The following TRIQK variants were observed in gnomAD, a reference collection of about 807,000 sequenced individuals.
The protein encoded by TRIQK is triple QxxK/R motif-containing protein.
In TRIQK, 10 loss-of-function variants were observed where a neutral mutation model predicts 10.8. The ratio of observed to expected loss-of-function variants is 0.92; its 90% CI spans 0.57 to 1.57. The LOEUF is 1.57. Among genes scored for constraint, TRIQK ranks in the 40% most tolerant of loss-of-function variants. The probability of loss-of-function intolerance (pLI) is 0.00; values close to 1 mark genes in which losing one functional copy is unlikely to be tolerated. For synonymous variants in TRIQK, 33 were observed against 33.7 expected, an observed-to-expected ratio of 0.98 and a Z score of 0.07; for missense variants, 107 against 97.7, an observed-to-expected ratio of 1.09 and a Z score of -0.40.
chr8:92,992,298 T>C (rs1397232880), intron 1 of TRIQK, among the ~76,000 whole-genome samples: 5 of 152,168 alleles, frequency 3.3e-5, no homozygotes, highest in Non-Finnish European at 5.9e-5. Flanking sequence ...GATGGACTGC[T>C]CCTGAGGGAG....
chr8:92,949,027 T>G (rs559954687), intron 2 of TRIQK, among the ~76,000 whole-genome samples: 1 of 152,338 alleles, frequency 6.6e-6, no homozygotes, highest in South Asian at 2.1e-4. Flanking sequence ...CACCAAGCTG[T>G]AACCAATCTG....
chr8:92,981,974 T>A (rs981805901), intron 1 of TRIQK, among the ~76,000 whole-genome samples: 2 of 151,820 alleles, frequency 1.3e-5, no homozygotes, highest in African/African-American at 4.8e-5. Flanking sequence ...ACTTACAGCT[T>A]ACTATGACAT....
intron 1 of TRIQK, among the ~76,000 whole-genome samples, chr8:92,989,797 C>T (rs1173712737): frequency 2.0e-5 from 3 of 152,008 alleles, no homozygotes; most frequent in Non-Finnish European, 1.5e-5. Flanking sequence ...GTCCCTGGTG[C>T]CAAAAAGATT....
intron 3 of TRIQK, 82 bp downstream of exon 3, chr8:92,916,847 G>C (rs143688360): frequency 0.01 from 10,747 of 1,041,910 alleles, 82 homozygotes; most frequent in Non-Finnish European, 0.012. Context: ...ATATGTATTA[G>C]AGAAAATTTA....
intron 3 of TRIQK, among the ~76,000 whole-genome samples, chr8:92,910,945 A>C (rs779839699): frequency 1.3e-5 from 2 of 151,388 alleles, no homozygotes; most frequent in African/African-American, 4.8e-5. Flanking sequence ...AGAGTTGAAA[A>C]CTATAATTAA....
chr8:92,986,265 C>T (rs1276466169), intron 1 of TRIQK, among the ~76,000 whole-genome samples: 2 of 151,924 alleles, frequency 1.3e-5, no homozygotes, highest in Non-Finnish European at 2.9e-5. Flanking sequence ...CATTATTTTG[C>T]CAAGCATCAA....
At chr8:92,924,393 A>T (rs975270014) in intron 2 of TRIQK, among the ~76,000 whole-genome samples, 4 of 152,022 alleles carry the variant, frequency 2.6e-5, no homozygotes, top group African/African-American at 9.7e-5. Context: ...TTCCTTTCTC[A>T]TGTTCCAGTG....
intron 1 of TRIQK, among the ~76,000 whole-genome samples, chr8:92,990,885 G>C (rs1364277430): frequency 6.6e-6 from 1 of 152,148 alleles, no homozygotes; most frequent in Non-Finnish European, 1.5e-5. Flanking sequence ...GTGGCACCTG[G>C]AATGACAGCG....
At chr8:92,892,164 G>A in intron 3 of TRIQK, 90 bp from the exon 4 acceptor site, 1 of 914,992 alleles carries the variant, frequency 1.1e-6, no homozygotes, top group East Asian at 2.9e-5. Flanking sequence ...TTTAAATACA[G>A]TGAAACAGGG....
At chr8:92,935,557 A>G (rs1810943811) in intron 2 of TRIQK, among the ~76,000 whole-genome samples, 1 of 151,678 alleles carries the variant, frequency 6.6e-6, no homozygotes, top group African/African-American at 2.4e-5. Flanking sequence ...AGGAAATAAT[A>G]GAAAAAGAAT....
intron 4 of TRIQK, among the ~76,000 whole-genome samples, chr8:92,890,689 C>A (rs540751148): frequency 9.1e-4 from 138 of 151,908 alleles, no homozygotes; most frequent in Non-Finnish European, 9.3e-4. Flanking sequence ...TATTGTGCCA[C>A]AAGAGGATTT....
chr8:92,974,013 A>T (rs1444681801), intron 1 of TRIQK: 1 of 152,290 alleles, frequency 6.6e-6, no homozygotes, highest in African/African-American at 2.4e-5. Flanking sequence ...CAATAGCTCC[A>T]CATCAAGTGC....
chr8:92,900,714 G>A (rs570025369), intron 3 of TRIQK, among the ~76,000 whole-genome samples: 44 of 152,044 alleles, frequency 2.9e-4, no homozygotes, highest in South Asian at 8.3e-4. Context: ...GATGGCTTTT[G>A]CAATTCTGAG....
upstream of TRIQK, among the ~76,000 whole-genome samples, chr8:92,969,956 C>T (rs954665645): frequency 6.6e-6 from 1 of 152,136 alleles, no homozygotes. Flanking sequence ...AAATCCTCCC[C>T]TAGCAGGTCC....
At chr8:92,997,505 T>C (rs148681351) in intron 1 of TRIQK, among the ~76,000 whole-genome samples, 40 of 152,200 alleles carry the variant, frequency 2.6e-4, no homozygotes, top group African/African-American at 9.6e-4. Context: ...CTGCACTACG[T>C]CATTTTAAAT....
At chr8:92,985,243 C>T (rs909874842) in intron 1 of TRIQK, among the ~76,000 whole-genome samples, 6 of 152,048 alleles carry the variant, frequency 3.9e-5, no homozygotes, top group African/African-American at 4.8e-5. Flanking sequence ...TGTGTGTGCA[C>T]GCGCACGCAT....
chr8:92,894,688 G>A (rs1808497763), intron 3 of TRIQK, among the ~76,000 whole-genome samples: 1 of 152,090 alleles, frequency 6.6e-6, no homozygotes, highest in African/African-American at 2.4e-5. Context: ...GCATTTTTCT[G>A]TGTATGAACT....
chr8:92,897,608 C>T (rs183714705), intron 3 of TRIQK, among the ~76,000 whole-genome samples: 2 of 152,092 alleles, frequency 1.3e-5, no homozygotes, highest in Non-Finnish European at 2.9e-5. Context: ...TTTGACTTTC[C>T]AGACTCCAGA....
At chr8:93,015,321 A>ATAC (rs1408829806) in intron 1 of TRIQK, among the ~76,000 whole-genome samples, 1 of 152,020 alleles carries the variant, frequency 6.6e-6, no homozygotes, top group Non-Finnish European at 1.5e-5. Context: ...AAGTAATATA[A>ATAC]TACTACAAAG....
Sources: gnomAD v4.1 joint callset for allele counts (sites outside exome capture counted in the v4.1 genomes callset) on GRCh38, gnomAD v4.1.1 for gene constraint, MANE v1.5 for transcripts, NCBI Gene and HGNC (gene_info 2026-07-23, HGNC 2026-07-21) for gene names.